The following IL23R variants were observed in gnomAD, a reference collection of about 807,000 sequenced individuals.
IL23R encodes interleukin-23 receptor.
Under a neutral mutation model 56.9 loss-of-function variants are expected in IL23R, and 34 were observed. The observed-to-expected ratio is 0.60, with a 90% CI of 0.45 to 0.80. The LOEUF is 0.80. IL23R is among the 30% of genes least tolerant of loss of function. The probability of loss-of-function intolerance (pLI) is 0.00; values close to 1 mark genes in which losing one functional copy is unlikely to be tolerated. For synonymous variants in IL23R, 230 were observed against 249.2 expected (o/e 0.92, Z 0.73); for missense variants, 635 against 730.0 (o/e 0.87, Z 1.50).
chr1:67,255,201 G>A (rs982239152), intron 9 of IL23R, among the ~76,000 whole-genome samples: 9 of 152,102 alleles, frequency 5.9e-5, no homozygotes, highest in Non-Finnish European at 1.0e-4. Context: ...TCCCACATGG[G>A]AATCTTCTGG....
chr1:67,245,805 C>T (rs1216611258), intron 9 of IL23R, among the ~76,000 whole-genome samples: 1 of 152,166 alleles, frequency 6.6e-6, no homozygotes, highest in African/African-American at 2.4e-5. Context: ...GTTTTGGTAT[C>T]AGAATGATGC....
At chr1:67,186,503 T>G (rs1047160165) in intron 4 of IL23R, among the ~76,000 whole-genome samples, 1 of 152,164 alleles carries the variant, frequency 6.6e-6, no homozygotes, top group African/African-American at 2.4e-5. Context: ...CCCCTCAATC[T>G]TCCCAGTCTA....
chr1:67,215,995 C>A (rs946171840), intron 6 of IL23R, among the ~76,000 whole-genome samples: 12 of 152,212 alleles, frequency 7.9e-5, no homozygotes, highest in Non-Finnish European at 1.5e-4. Context: ...CTCAGCTACA[C>A]CTGTATGTAG....
downstream of IL23R, among the ~76,000 whole-genome samples, chr1:67,260,916 A>G (rs1420508761): frequency 2.6e-5 from 4 of 152,188 alleles, no homozygotes; most frequent in Admixed American, 2.6e-4. Context: ...TCATTCATTC[A>G]TTAAAATAGG....
chr1:67,255,259 G>T (rs915263377), intron 9 of IL23R, among the ~76,000 whole-genome samples: 6 of 152,042 alleles, frequency 3.9e-5, no homozygotes, highest in African/African-American at 7.2e-5. Flanking sequence ...CACTGCTAGG[G>T]TGGTTCTCCC....
intron 6 of IL23R, among the ~76,000 whole-genome samples, chr1:67,210,402 C>T (rs1649372820): frequency 6.6e-6 from 1 of 151,924 alleles, no homozygotes. Context: ...TAACAAACTG[C>T]CATTTAGTCC....
intron 7 of IL23R, among the ~76,000 whole-genome samples, chr1:67,236,103 C>T (rs1315922200): frequency 6.6e-6 from 1 of 152,206 alleles, no homozygotes; most frequent in Non-Finnish European, 1.5e-5. Flanking sequence ...CCACCCTGGT[C>T]AGAATCATTC....
chr1:67,148,606 A>C (rs1646702744), intron 1 of IL23R, among the ~76,000 whole-genome samples: 1 of 152,200 alleles, frequency 6.6e-6, no homozygotes, highest in Non-Finnish European at 1.5e-5. Flanking sequence ...GGCCTAGGGA[A>C]TCCAGCTAGT....
Position 67,182,927 on chromosome 1 carries a change from C to T in IL23R, c.459C>T (p.Tyr153=). The change falls in exon 4 of 11, where the codon TAC becomes TAT. Residue 153 remains tyrosine (Y), a synonymous_variant. Coordinates refer to ENST00000347310, the MANE Select transcript of IL23R (RefSeq NM_144701.3). ...CCTGGAATGCTGGGAAGCTCACCTA[C>T]ATAGACACAAAATACGTGGTACATG... is the stretch of plus-strand genomic sequence containing the variant. ...TCTWNAGKLT[Y]IDTKYVVHVK... is the part of the protein sequence containing the mutation. 1 of 1,614,128 alleles carries T rather than the reference C, an allele frequency of 6.2e-7. No individual in the cohort carries two copies. Among genetic ancestry groups the T allele is most frequent in the African/African-American group, 1.3e-5 (1 of 75,058 alleles).
At chr1:67,140,782 A>AT (rs1392294634) in intron 1 of IL23R, among the ~76,000 whole-genome samples, 2 of 152,186 alleles carry the variant, frequency 1.3e-5, no homozygotes, top group Non-Finnish European at 2.9e-5. Flanking sequence ...AACATCTATC[A>AT]TCTATTTATT....
upstream of IL23R, among the ~76,000 whole-genome samples, chr1:67,163,468 C>CAAAAAAAAAAAAAA (rs57495148): frequency 8.1e-5 from 4 of 49,606 alleles, no homozygotes; most frequent in Non-Finnish European, 1.3e-4. Context: ...GACCCTGTCT[C>CAAAAAAAAAAAAAA]AAAAAAAAAA....
chr1:67,150,061 T>C (rs1415842198), intron 1 of IL23R, among the ~76,000 whole-genome samples: 2 of 152,138 alleles, frequency 1.3e-5, no homozygotes, highest in African/African-American at 4.8e-5. Context: ...ATCCTAGAAC[T>C]TCTTTCCTTT....
intron 9 of IL23R, among the ~76,000 whole-genome samples, chr1:67,247,696 G>A (rs751706094): frequency 6.6e-6 from 1 of 152,056 alleles, no homozygotes; most frequent in East Asian, 1.9e-4. Context: ...TAGTTGATGC[G>A]GTTTCTTCAT....
At chr1:67,227,313 T>C (rs968286356) in intron 7 of IL23R, among the ~76,000 whole-genome samples, 1 of 152,238 alleles carries the variant, frequency 6.6e-6, no homozygotes, top group Non-Finnish European at 1.5e-5. Context: ...GGTTCTATAA[T>C]TCCTTTAATA....
chr1:67,167,982 C>T (rs896606561), intron 1 of IL23R, 110 bp from the exon 2 acceptor site: 1 of 662,834 alleles, frequency 1.5e-6, no homozygotes, highest in African/African-American at 1.8e-5. Context: ...CTTCTTCCTC[C>T]CTAATCAAAG....
intron 6 of IL23R, chr1:67,207,265 G>A (rs1241407322): frequency 1.6e-6 from 1 of 644,964 alleles, no homozygotes; most frequent in African/African-American, 1.8e-5. Context: ...TGGATATATT[G>A]CATGGTATTG....
rs774386804 is a variant in IL23R, at chr1:67,219,720, A to G, written c.945A>G (p.Thr315=). 1 of 1,613,684 alleles carries G rather than the reference A, an allele frequency of 6.2e-7. No homozygotes were observed. The highest frequency in any genetic ancestry group is 1.1e-5 in the South Asian group (1 of 91,084). The change falls in exon 7 of 11, where the codon ACA becomes ACG. Residue 315 remains threonine, a synonymous_variant. Coordinates refer to ENST00000347310, the MANE Select transcript of IL23R (RefSeq NM_144701.3). ...GGAGTTCACTGTTTTTTCATAAAACACCTGAAACAGGTGAGTGTACTTATA... is the reference window on the plus strand; with the variant it reads ...GGAGTTCACTGTTTTTTCATAAAACGCCTGAAACAGGTGAGTGTACTTATA... ...QPWSSLFFHK[T]PETVPQVTSK... is the part of the protein sequence containing the mutation.
At chr1:67,203,088 T>C (rs1211551250) in intron 5 of IL23R, among the ~76,000 whole-genome samples, 3 of 152,110 alleles carry the variant, frequency 2.0e-5, no homozygotes, top group Non-Finnish European at 4.4e-5. Flanking sequence ...ATTTTAGCAG[T>C]GCAATTTTTA....
At chr1:67,191,422 T>G (rs1305455638) in intron 4 of IL23R, among the ~76,000 whole-genome samples, 1 of 152,234 alleles carries the variant, frequency 6.6e-6, no homozygotes, top group Non-Finnish European at 1.5e-5. Flanking sequence ...GTACTAGATC[T>G]TATCCTGCCT....
Sources: allele counts gnomAD v4.1 joint callset (sites outside exome capture counted in the v4.1 genomes callset), GRCh38; gene constraint gnomAD v4.1.1; transcripts MANE v1.5; gene names NCBI Gene and HGNC (gene_info 2026-07-23, HGNC 2026-07-21).